GRM8: variants seen among roughly 807,000 people sequenced by gnomAD.
GRM8 encodes metabotropic glutamate receptor 8.
GRM8 carries 47 observed loss-of-function variants against 87.2 expected under a neutral mutation model. That is an observed-to-expected ratio of 0.54 (90% CI 0.43 to 0.69). The LOEUF is 0.69. Ranked by LOEUF, GRM8 falls within the 30% of genes least tolerant of loss-of-function variation. GRM8 has a pLI of 0.00. For synonymous variants in GRM8, 396 were observed against 404.5 expected, an observed-to-expected ratio of 0.98 and a Z score of 0.25; for missense variants, 1,019 against 1,139.2, an observed-to-expected ratio of 0.89 and a Z score of 1.52.
rs184542072 is a variant in GRM8 at position 126,531,878 on chromosome 7, A to C, written c.2430+1074T>G. 3.6e-3 allele frequency among the ~76,000 whole-genome samples: 549 copies of C among 152,322 alleles called. 2 individuals carry two copies. Among genetic ancestry groups the C allele is most frequent in the Admixed American group, 5.8e-3 (89 of 15,300 alleles). On this transcript the variant is annotated intron_variant, in intron 9 of 10. Transcript: ENST00000339582. The stretch of plus-strand genomic sequence containing the variant: ...ATGCAGAACCTCCTTGGAATGTTAT[A>C]GCCTGGGAAATGTAATTACCCCATG...
intron 3 of GRM8, among the ~76,000 whole-genome samples, chr7:126,989,891 G>T (rs1167438754): frequency 6.6e-6 from 1 of 152,102 alleles, no homozygotes; most frequent in Non-Finnish European, 1.5e-5. Context: ...GAGCCCAGGA[G>T]GTAGAGGTTG....
intron 9 of GRM8, among the ~76,000 whole-genome samples, chr7:126,472,403 T>C (rs1488104189): frequency 2.0e-5 from 3 of 152,174 alleles, no homozygotes; most frequent in African/African-American, 7.2e-5. Flanking sequence ...TGAAGGGTTG[T>C]TGAATTTTGT....
At chr7:127,200,043 G>A (rs1270175797) in intron 2 of GRM8, among the ~76,000 whole-genome samples, 1 of 152,098 alleles carries the variant, frequency 6.6e-6, no homozygotes, top group African/African-American at 2.4e-5. Flanking sequence ...AAATTGTTTG[G>A]GAGGTAAAAC....
At chr7:126,741,781 G>C (rs1815034946) in intron 7 of GRM8, among the ~76,000 whole-genome samples, 2 of 152,088 alleles carry the variant, frequency 1.3e-5, no homozygotes, top group South Asian at 4.1e-4. Flanking sequence ...ACTTTCACAA[G>C]ATTGTGGGAA....
intron 3 of GRM8, among the ~76,000 whole-genome samples, chr7:127,066,790 C>T (rs1452296860): frequency 2.6e-5 from 4 of 152,166 alleles, no homozygotes; most frequent in African/African-American, 7.2e-5. Flanking sequence ...CCCATGTCTC[C>T]TTTCCCCCTA....
intron 7 of GRM8, among the ~76,000 whole-genome samples, chr7:126,752,893 T>C (rs1000791781): frequency 6.6e-5 from 10 of 152,098 alleles, no homozygotes; most frequent in African/African-American, 2.4e-4. Flanking sequence ...TGTTTCTGCA[T>C]GGAAATACTT....
intron 3 of GRM8, among the ~76,000 whole-genome samples, chr7:127,055,249 G>A (rs1819869112): frequency 6.6e-6 from 1 of 152,064 alleles, no homozygotes; most frequent in South Asian, 2.1e-4. Flanking sequence ...ACTAAAGAAG[G>A]ACATGGCATC....
At chr7:127,077,327 A>G (rs1822387613) in intron 3 of GRM8, among the ~76,000 whole-genome samples, 1 of 152,186 alleles carries the variant, frequency 6.6e-6, no homozygotes, top group Admixed American at 6.5e-5. Flanking sequence ...CCAGATCTCA[A>G]CCAGAATCTC....
chr7:126,745,027 G>A (rs1335955638), intron 7 of GRM8, among the ~76,000 whole-genome samples: 1 of 151,706 alleles, frequency 6.6e-6, no homozygotes, highest in Admixed American at 6.6e-5. Context: ...CATTTTAAAT[G>A]TTTCTCACTT....
At chr7:126,967,359 A>T (rs1809981190) in intron 3 of GRM8, among the ~76,000 whole-genome samples, 1 of 152,206 alleles carries the variant, frequency 6.6e-6, no homozygotes, top group African/African-American at 2.4e-5. Context: ...GTCAATTCAG[A>T]GACACCACTG....
chr7:127,072,676 G>A (rs1209199025), intron 3 of GRM8, among the ~76,000 whole-genome samples: 1 of 150,892 alleles, frequency 6.6e-6, no homozygotes, highest in African/African-American at 2.4e-5. Context: ...CACAAATCGG[G>A]GCACTTAAAA....
intron 8 of GRM8, among the ~76,000 whole-genome samples, chr7:126,559,150 CTTT>C (rs551929723): frequency 2.5e-5 from 3 of 122,024 alleles, no homozygotes; most frequent in Admixed American, 1.7e-4. Flanking sequence ...TAATCTTTTG[CTTT>C]TTTTTTTTTT....
At chr7:127,152,871 T>C (rs549672207) in intron 2 of GRM8, among the ~76,000 whole-genome samples, 1 of 152,286 alleles carries the variant, frequency 6.6e-6, no homozygotes, top group East Asian at 1.9e-4. Context: ...ATATTACTTA[T>C]GTTCTTAATA....
chr7:127,240,629 G>C (rs1389287818), intron 2 of GRM8, among the ~76,000 whole-genome samples: 1 of 152,092 alleles, frequency 6.6e-6, no homozygotes, highest in Non-Finnish European at 1.5e-5. Context: ...AGATTCTTAG[G>C]AAACTTTTCC....
rs574054050 is a variant in GRM8, at chr7:126,970,637, T to C, written c.728-65954A>G. On this transcript the variant is annotated intron_variant, in intron 3 of 10. Transcript: ENST00000339582. ...GTTTTGCTTTCTTATCATTCATGTG[T>C]TCACTGGAGTAGCATTTTCAATTCC... 6.6e-5 allele frequency among the ~76,000 whole-genome samples: 10 copies of C among 152,300 alleles called. No homozygotes were observed. In the East Asian group the frequency reaches 7.7e-4, roughly 12 times the overall value.
At chr7:127,202,672 T>C (rs17863239) in intron 2 of GRM8, among the ~76,000 whole-genome samples, 29,469 of 152,074 alleles carry the variant, frequency 0.19, 3,213 homozygotes, top group Non-Finnish European at 0.25. Context: ...AGAAGTTTAA[T>C]GTCATTCAAA....
At chr7:126,990,272 G>A (rs1466993150) in intron 3 of GRM8, among the ~76,000 whole-genome samples, 7 of 151,466 alleles carry the variant, frequency 4.6e-5, no homozygotes, top group African/African-American at 1.7e-4. Context: ...ACACAGTTCT[G>A]GCTGATGAGA....
At chr7:127,199,126 C>T (rs1236476220) in intron 2 of GRM8, among the ~76,000 whole-genome samples, 2 of 149,356 alleles carry the variant, frequency 1.3e-5, no homozygotes, top group Non-Finnish European at 3.0e-5. Context: ...CAGGCGTGAG[C>T]CACCGCACCC....
intron 9 of GRM8, among the ~76,000 whole-genome samples, chr7:126,526,785 T>G (rs899769906): frequency 6.6e-6 from 1 of 152,244 alleles, no homozygotes; most frequent in Non-Finnish European, 1.5e-5. Flanking sequence ...GGAGAGCCAC[T>G]TGGCAGTCCT....
Sources: allele counts gnomAD v4.1 joint callset (sites outside exome capture counted in the v4.1 genomes callset), GRCh38; gene constraint gnomAD v4.1.1; transcripts MANE v1.5; gene names NCBI Gene and HGNC (gene_info 2026-07-23, HGNC 2026-07-21).